The following DENND5A variants were observed in gnomAD, a reference collection of about 807,000 sequenced individuals.
DENND5A encodes the protein DENN domain containing 5A, also known as DENN domain-containing protein 5A.
In DENND5A, 64 loss-of-function variants were observed where a neutral mutation model predicts 140.3. The observed-to-expected ratio is 0.46, with a 90% CI of 0.37 to 0.56. The LOEUF is 0.56. Ranked by LOEUF, DENND5A falls within the 20% of genes least tolerant of loss-of-function variation. The pLI, the probability that DENND5A is intolerant of heterozygous loss-of-function variation, is 0.00. For missense variants in DENND5A, 1,292 were observed against 1,593.8 expected, an observed-to-expected ratio of 0.81 and a Z score of 3.22; for synonymous variants, 605 against 607.7, an observed-to-expected ratio of 1.00 and a Z score of 0.07.
intron 1 of DENND5A, among the ~76,000 whole-genome samples, chr11:9,253,339 C>T (rs1851809101): frequency 6.6e-6 from 1 of 152,182 alleles, no homozygotes; most frequent in African/African-American, 2.4e-5. Flanking sequence ...TTGGTTTAAG[C>T]ACCAAACACT....
chr11:9,140,845 G>C (rs772382990), intron 22 of DENND5A, among the ~76,000 whole-genome samples: 2 of 152,142 alleles, frequency 1.3e-5, no homozygotes, highest in Non-Finnish European at 2.9e-5. Context: ...TCTAAATGTT[G>C]GCCAGGCATG....
intron 15 of DENND5A, among the ~76,000 whole-genome samples, chr11:9,148,341 T>C (rs1267103969): frequency 7.3e-6 from 1 of 137,350 alleles, no homozygotes; most frequent in Non-Finnish European, 1.6e-5. Flanking sequence ...AGGTGTCAAA[T>C]GAAAAAAAAA....
At chr11:9,253,691 C>G (rs1360272518) in intron 1 of DENND5A, among the ~76,000 whole-genome samples, 1 of 151,270 alleles carries the variant, frequency 6.6e-6, no homozygotes, top group Non-Finnish European at 1.5e-5. Context: ...TCACTTGAGC[C>G]CAGAGGTTCA....
At chr11:9,190,150 CT>C (rs1849067147) in intron 5 of DENND5A, among the ~76,000 whole-genome samples, 1 of 152,118 alleles carries the variant, frequency 6.6e-6, no homozygotes, top group Non-Finnish European at 1.5e-5. Flanking sequence ...AACTAACTTG[CT>C]TTTGATTTTA....
intron 1 of DENND5A, among the ~76,000 whole-genome samples, chr11:9,218,682 C>T: frequency 6.6e-6 from 1 of 152,132 alleles, no homozygotes; most frequent in Non-Finnish European, 1.5e-5. Context: ...TGCACTCCAG[C>T]TGGGTGACAG....
chr11:9,150,313 T>C (rs1847573613), intron 14 of DENND5A, 104 bp from the exon 15 acceptor site: 4 of 1,383,998 alleles, frequency 2.9e-6, no homozygotes, highest in South Asian at 1.3e-5. Context: ...GACAGACTTA[T>C]CTCACCCTGG....
chr11:9,241,330 C>G (rs1041140566), intron 1 of DENND5A, among the ~76,000 whole-genome samples: 23 of 152,078 alleles, frequency 1.5e-4, no homozygotes, highest in African/African-American at 5.6e-4. Flanking sequence ...GGCCCCATCC[C>G]CAGAGTTTAT....
At chr11:9,186,378 A>C (rs1263018795) in intron 5 of DENND5A, among the ~76,000 whole-genome samples, 1 of 152,226 alleles carries the variant, frequency 6.6e-6, no homozygotes, top group Non-Finnish European at 1.5e-5. Flanking sequence ...CATGAAGATC[A>C]CCTGCCTCAT....
At chr11:9,243,757 G>A (rs979498569) in intron 1 of DENND5A, among the ~76,000 whole-genome samples, 2 of 151,958 alleles carry the variant, frequency 1.3e-5, no homozygotes, top group African/African-American at 2.4e-5. Context: ...GTGGTGGTGG[G>A]TGCCTGTGGT....
intron 1 of DENND5A, among the ~76,000 whole-genome samples, chr11:9,258,158 A>G (rs1343776541): frequency 6.6e-6 from 1 of 152,136 alleles, no homozygotes; most frequent in African/African-American, 2.4e-5. Context: ...TCTGGGGTAC[A>G]TGTGCAGAAC....
intron 6 of DENND5A, 104 bp from the exon 7 acceptor site, chr11:9,179,177 T>C (rs1015499144): frequency 3.5e-5 from 33 of 948,012 alleles, no homozygotes; most frequent in Admixed American, 4.8e-5. Flanking sequence ...ACAGTGCTAA[T>C]TTACTTAGCA....
intron 1 of DENND5A, among the ~76,000 whole-genome samples, chr11:9,216,110 G>A (rs1850084340): frequency 6.6e-6 from 1 of 152,174 alleles, no homozygotes; most frequent in East Asian, 1.9e-4. Flanking sequence ...AGTCAAGAAG[G>A]CAGGAGACAG....
intron 1 of DENND5A, among the ~76,000 whole-genome samples, chr11:9,254,230 G>A (rs1391692035): frequency 1.3e-5 from 2 of 151,302 alleles, no homozygotes; most frequent in African/African-American, 2.4e-5. Flanking sequence ...AGAGGCTAAG[G>A]TAGGAGGATC....
chr11:9,147,679 C>A (rs550911157), intron 15 of DENND5A, among the ~76,000 whole-genome samples: 2 of 152,368 alleles, frequency 1.3e-5, no homozygotes, highest in Non-Finnish European at 2.9e-5. Context: ...TCTGCTCCCG[C>A]CTCTGATCCA....
intron 3 of DENND5A, among the ~76,000 whole-genome samples, 187 bp from the exon 4 acceptor site, chr11:9,204,504 A>G (rs1849630998): frequency 6.6e-6 from 1 of 152,212 alleles, no homozygotes; most frequent in Admixed American, 6.5e-5. Flanking sequence ...AGGGATATAC[A>G]AAAGTATATG....
chr11:9,257,167 G>C (rs974262486), intron 1 of DENND5A, among the ~76,000 whole-genome samples: 5 of 151,258 alleles, frequency 3.3e-5, no homozygotes, highest in African/African-American at 1.2e-4. Flanking sequence ...CCACCACCAC[G>C]CCCGGCTAAT....
At chr11:9,170,193 G>A in intron 9 of DENND5A, 1 of 794,114 alleles carries the variant, frequency 1.3e-6, no homozygotes, top group Non-Finnish European at 1.5e-6. Flanking sequence ...TTGACATATA[G>A]ATCTAAAACT....
intron 1 of DENND5A, among the ~76,000 whole-genome samples, chr11:9,252,852 A>C (rs1590341729): frequency 6.9e-6 from 1 of 144,080 alleles, no homozygotes; most frequent in Non-Finnish European, 1.5e-5. Flanking sequence ...CAGCAACAGG[A>C]TTTTTTTTTT....
In DENND5A at chr11:9,174,165, G is replaced by A. The variant is rs1357192877; in HGVS notation, c.1907-3388C>T. Reference sequence around the variant, plus strand: ...TTGAAAATATTCAATTAGTACACAAGAGGGCAGAAAAAGAAGAAAAGGGAA... The same window carrying A: ...TTGAAAATATTCAATTAGTACACAAAAGGGCAGAAAAAGAAGAAAAGGGAA... On this transcript the variant is annotated intron_variant, in intron 8 of 22. Coordinates refer to ENST00000328194, the MANE Select transcript of DENND5A (RefSeq NM_015213.4). Among the ~76,000 whole-genome samples the A allele has an allele frequency of 3.6e-4, 45 of 124,144 alleles. 1 individual carries two copies. Among genetic ancestry groups the A allele is most frequent in the East Asian group, 2.4e-4 (1 of 4,194 alleles). 81.4% of individuals were successfully genotyped at this position (124,144 alleles called of 152,430 possible). A position where few individuals can be genotyped will look rare whatever the true frequency, so the allele number is the denominator to read the frequency against.
Sources: gnomAD v4.1 joint callset for allele counts (sites outside exome capture counted in the v4.1 genomes callset) on GRCh38, gnomAD v4.1.1 for gene constraint, MANE v1.5 for transcripts, NCBI Gene and HGNC (gene_info 2026-07-23, HGNC 2026-07-21) for gene names.